NCOR1: variants seen among roughly 807,000 people sequenced by gnomAD.
NCOR1 encodes the protein protein phosphatase 1, regulatory subunit 109.
A neutral mutation model predicts 288.1 loss-of-function variants in NCOR1; 63 were observed. The ratio of observed to expected loss-of-function variants is 0.22; its 90% CI spans 0.18 to 0.27. NCOR1 has a LOEUF of 0.27. Ranked by LOEUF, NCOR1 falls within the 10% of genes least tolerant of loss-of-function variation. NCOR1 has a pLI of 1.00. For synonymous variants in NCOR1, 1,007 were observed against 1,065.9 expected (o/e 0.94, Z 1.08); for missense variants, 2,397 against 3,019.2 (o/e 0.79, Z 4.83).
chr17:16,110,818 T>C (rs1199827366), intron 18 of NCOR1, among the ~76,000 whole-genome samples: 2 of 152,232 alleles, frequency 1.3e-5, no homozygotes, highest in East Asian at 1.9e-4. Flanking sequence ...CATTTTCTAA[T>C]ATCAGAGTCA....
chr17:16,059,815 C>A (rs1258962424), intron 37 of NCOR1, among the ~76,000 whole-genome samples: 1 of 152,184 alleles, frequency 6.6e-6, no homozygotes, highest in East Asian at 1.9e-4. Flanking sequence ...ACTCAACAGT[C>A]CTTCCTATCC....
chr17:16,124,616 C>T (rs1306680458), intron 15 of NCOR1, among the ~76,000 whole-genome samples: 2 of 152,174 alleles, frequency 1.3e-5, no homozygotes, highest in Admixed American at 6.5e-5. Context: ...TCCTACCACA[C>T]CCCTGTATGT....
chr17:16,085,124 TTAAA>T (rs1311464082), intron 23 of NCOR1, among the ~76,000 whole-genome samples: 8 of 152,278 alleles, frequency 5.3e-5, no homozygotes, highest in South Asian at 2.1e-4. Flanking sequence ...ATAATCAGAC[TTAAA>T]TAGTCACTTC....
chr17:16,144,851 C>G lies in NCOR1; in HGVS notation c.1083-1155G>C, dbSNP rs1197991188. On this transcript the variant is annotated intron_variant, in intron 10 of 45. Transcript: ENST00000268712. ...CCACGGTCTCCCTCTGTTGCCGAAG[C>G]TGGACTGTACCACCATGATCTCCTC... 4.2e-4 allele frequency among the ~76,000 whole-genome samples: 63 copies of G among 151,062 alleles called. 1 individual carries two copies. The highest frequency in any genetic ancestry group is 3.0e-5 in the Non-Finnish European group (2 of 67,684).
chr17:16,081,382 TA>T (rs67148328), intron 23 of NCOR1, among the ~76,000 whole-genome samples: 127,208 of 139,456 alleles, frequency 0.91, 58,085 homozygotes, highest in Middle Eastern at 0.97. Flanking sequence ...AATATTTATT[TA>T]AAAAAAAAAA....
rs2076690477 is a variant in NCOR1, at chr17:16,138,173, T to C, written c.1392A>G (p.Ser464=). Residue 464 remains serine, a synonymous_variant, in exon 13 of 46, where the codon TCA becomes TCG. Transcript: ENST00000268712. ...CATGTCTTACCTTCCTCTCCAAGTA[T>C]GATGCAATTAGTCCAAAGTTTTTTG... ...QHPKNFGLIA[S]YLERKSVPDC... The C allele has an allele frequency of 1.9e-6, 3 of 1,613,122 alleles. No individual in the cohort carries two copies. Among genetic ancestry groups the C allele is most frequent in the East Asian group, 4.5e-5 (2 of 44,868 alleles).
At chr17:16,055,473 G>T (rs1014233544) in intron 40 of NCOR1, among the ~76,000 whole-genome samples, 4 of 152,194 alleles carry the variant, frequency 2.6e-5, no homozygotes, top group Non-Finnish European at 5.9e-5. Context: ...GAGCTAAATG[G>T]TGAGAACACA....
intron 44 of NCOR1, among the ~76,000 whole-genome samples, chr17:16,036,140 T>C (rs2056315904): frequency 1.3e-5 from 2 of 152,354 alleles, no homozygotes. Flanking sequence ...CCTTGATCCA[T>C]GGGCTTCAGA....
intron 42 of NCOR1, among the ~76,000 whole-genome samples, chr17:16,044,250 G>A (rs993677250): frequency 6.6e-6 from 1 of 151,266 alleles, no homozygotes; most frequent in Non-Finnish European, 1.5e-5. Flanking sequence ...TAAAATATTT[G>A]TCTTTTATTT....
At position 16,145,831 on chromosome 17, in the gene NCOR1, G is replaced by A. The variant is rs543378277; in HGVS notation, c.1082+545C>T. The stretch of plus-strand genomic sequence containing the variant: ...CTCATTGAGAGCCGGCCAGGATGAC[G>A]ATGGCGGTTTTGTCGACTAGAGAGG... On this transcript the variant is annotated intron_variant, in intron 10 of 45. Transcript: ENST00000268712. Among the ~76,000 whole-genome samples the A allele has an allele frequency of 3.3e-5, 5 of 152,310 alleles. No homozygotes were observed. The East Asian group carries it at 7.7e-4, about 24-fold the overall frequency.
chr17:16,080,784 G>A lies in NCOR1; in HGVS notation c.3178-57C>T, dbSNP rs76629356. ...TAAGCAAACATTGTTTTTTTCACAA[G>A]GTCAATTTCACAAAGTCAGCATTCC... On this transcript the variant is annotated intron_variant, in intron 23 of 45. Transcript: ENST00000268712. The A allele has an allele frequency of 1.8e-3, 2,747 of 1,496,318 alleles. 40 individuals are homozygous for A. The African/African-American group carries it at 0.034, about 18-fold the overall frequency. The allele number at this position is 1,496,318 out of a possible 1,614,324, so 92.7% of individuals were successfully genotyped here. A position where few individuals can be genotyped will look rare whatever the true frequency, so the allele number is the denominator to read the frequency against.
intron 32 of NCOR1, among the ~76,000 whole-genome samples, chr17:16,067,590 T>C (rs1224537188): frequency 6.6e-6 from 1 of 152,248 alleles, no homozygotes; most frequent in Non-Finnish European, 1.5e-5. Flanking sequence ...CATGTTTAGG[T>C]ATGCCTCTGT....
intron 3 of NCOR1, among the ~76,000 whole-genome samples, chr17:16,175,754 T>G (rs1361692781): frequency 1.3e-5 from 2 of 151,144 alleles, no homozygotes; most frequent in Non-Finnish European, 2.9e-5. Flanking sequence ...CACAATGCCA[T>G]GCGCCTGTAA....
Position 16,064,143 on chromosome 17 carries a change from G to A in NCOR1, c.5146C>T (p.Arg1716Trp), listed in dbSNP as rs777612906. ...LAAAASAERE[R>W]EREREKERER... ...CGCTCCTTCTCCCGCTCCCGTTCCCGTTCCCTCTCAGCACTTGCAGCAGCT... is the reference window on the plus strand; with the variant it reads ...CGCTCCTTCTCCCGCTCCCGTTCCCATTCCCTCTCAGCACTTGCAGCAGCT... Residue 1716 changes from arginine (R) to tryptophan (W), a missense_variant, in exon 35 of 46, where the codon CGG becomes TGG. Transcript: ENST00000268712. The A allele has an allele frequency of 9.3e-6, 15 of 1,613,900 alleles. No individual in the cohort carries two copies. Among genetic ancestry groups the A allele is most frequent in the Middle Eastern group, 1.6e-4 (1 of 6,082 alleles).
chr17:16,030,350 A>G lies in NCOR1; in HGVS notation c.*1946T>C, dbSNP rs988457476. On this transcript the variant is annotated 3_prime_UTR_variant, in exon 46 of 46. Transcript: ENST00000268712. The stretch of plus-strand genomic sequence containing the variant: ...GTATAAGTGGACCCACACAGTTCAA[A>G]CCCGTGTTGTTCAAGGGTCAACTGT... The G allele has an allele frequency of 5.5e-5, 12 of 219,844 alleles. No individual in the cohort carries two copies. Among genetic ancestry groups the G allele is most frequent in the Non-Finnish European group, 1.0e-4 (11 of 109,602 alleles). 13.6% of individuals were successfully genotyped at this position (219,844 alleles called of 1,614,324 possible). A position where few individuals can be genotyped will look rare whatever the true frequency, so the allele number is the denominator to read the frequency against.
At chr17:16,145,997 C>T (rs2077935121) in intron 10 of NCOR1, among the ~76,000 whole-genome samples, 1 of 152,078 alleles carries the variant, frequency 6.6e-6, no homozygotes, top group African/African-American at 2.4e-5. Context: ...TAACCTTACC[C>T]CCAACCCCGT....
At chr17:16,211,986 T>C (rs1450323391) in intron 1 of NCOR1, among the ~76,000 whole-genome samples, 1 of 152,120 alleles carries the variant, frequency 6.6e-6, no homozygotes, top group African/African-American at 2.4e-5. Flanking sequence ...AAATATAAGA[T>C]AATCTATAGG....
At chr17:16,144,303 AG>A (rs1273630588) in intron 10 of NCOR1, among the ~76,000 whole-genome samples, 1 of 152,214 alleles carries the variant, frequency 6.6e-6, no homozygotes, top group Non-Finnish European at 1.5e-5. Flanking sequence ...TCATGTCCAA[AG>A]GATGTAATAC....
intron 1 of NCOR1, among the ~76,000 whole-genome samples, chr17:16,213,297 C>T (rs1468882268): frequency 6.6e-6 from 1 of 151,550 alleles, no homozygotes; most frequent in African/African-American, 2.4e-5. Context: ...TTGAGACCAT[C>T]CTGGCTAACA....
Sources: allele counts gnomAD v4.1 joint callset (sites outside exome capture counted in the v4.1 genomes callset), GRCh38; gene constraint gnomAD v4.1.1; transcripts MANE v1.5; gene names NCBI Gene and HGNC (gene_info 2026-07-23, HGNC 2026-07-21).